The following AKAP13 variants were observed in gnomAD, a reference collection of about 807,000 sequenced individuals.
AKAP13 encodes A-kinase anchoring protein 13.
AKAP13 carries 80 observed loss-of-function variants against 264.5 expected under a neutral mutation model. The ratio of observed to expected loss-of-function variants is 0.30; its 90% CI spans 0.25 to 0.36. The LOEUF is 0.36. AKAP13 is among the 10% of genes least tolerant of loss of function. The probability of loss-of-function intolerance (pLI) is 1.00; values close to 1 mark genes in which losing one functional copy is unlikely to be tolerated. For synonymous variants in AKAP13, 1,380 were observed against 1,250.2 expected (o/e 1.10, Z -2.19); for missense variants, 3,712 against 3,435.2 (o/e 1.08, Z -2.01).
At chr15:85,386,147 T>C (rs192214283) in intron 1 of AKAP13, among the ~76,000 whole-genome samples, 2 of 152,060 alleles carry the variant, frequency 1.3e-5, no homozygotes, top group East Asian at 3.9e-4. Flanking sequence ...TAATGTCTTT[T>C]GAAGAGCAGA....
At chr15:85,582,220 A>T (rs2079155398) in intron 7 of AKAP13, 113 bp downstream of exon 7, 1 of 1,203,006 alleles carries the variant, frequency 8.3e-7, no homozygotes, top group East Asian at 2.6e-5. Flanking sequence ...CCTTGCACTC[A>T]TTGGGTAGGT....
intron 3 of AKAP13, among the ~76,000 whole-genome samples, chr15:85,524,196 A>C: frequency 9.5e-6 from 1 of 105,468 alleles, no homozygotes; most frequent in Non-Finnish European, 1.8e-5. Context: ...CCCCCACCCC[A>C]AGAAGGAGTC....
At chr15:85,400,469 A>G (rs1447348973) in intron 1 of AKAP13, among the ~76,000 whole-genome samples, 2 of 152,134 alleles carry the variant, frequency 1.3e-5, no homozygotes, top group Non-Finnish European at 2.9e-5. Flanking sequence ...TATAATCCAC[A>G]TATGTTCCTC....
intron 1 of AKAP13, among the ~76,000 whole-genome samples, chr15:85,484,051 A>G (rs1210015156): frequency 6.6e-6 from 1 of 152,036 alleles, no homozygotes; most frequent in Non-Finnish European, 1.5e-5. Flanking sequence ...GGAACACTTG[A>G]CAAGTTAGTT....
chr15:85,417,536 T>C (rs2072299363), intron 1 of AKAP13, among the ~76,000 whole-genome samples: 3 of 152,206 alleles, frequency 2.0e-5, no homozygotes, highest in African/African-American at 7.2e-5. Context: ...GGAATGGAAA[T>C]GTTGCAATGT....
chr15:85,386,853 A>G (rs967414649), intron 1 of AKAP13, among the ~76,000 whole-genome samples: 27 of 150,802 alleles, frequency 1.8e-4, no homozygotes, highest in African/African-American at 5.9e-4. Context: ...TCATTTCTCT[A>G]TCACCTCACT....
intron 3 of AKAP13, among the ~76,000 whole-genome samples, chr15:85,524,045 A>G (rs962993564): frequency 9.9e-5 from 15 of 152,204 alleles, no homozygotes; most frequent in African/African-American, 3.4e-4. Flanking sequence ...ATAAATGTGC[A>G]TGGTCTGTTT....
intron 4 of AKAP13, among the ~76,000 whole-genome samples, chr15:85,541,168 T>C (rs554996479): frequency 7.0e-4 from 106 of 152,366 alleles, no homozygotes; most frequent in African/African-American, 2.4e-3. Flanking sequence ...ATACCATATG[T>C]ATTTCATTGT....
At chr15:85,494,864 A>C (rs2075827987) in intron 2 of AKAP13, among the ~76,000 whole-genome samples, 1 of 152,158 alleles carries the variant, frequency 6.6e-6, no homozygotes. Flanking sequence ...GGGCTAAGTA[A>C]GAGAAAAAAA....
chr15:85,733,483 T>C (rs560071812), intron 30 of AKAP13, among the ~76,000 whole-genome samples: 1 of 152,356 alleles, frequency 6.6e-6, no homozygotes, highest in African/African-American at 2.4e-5. Context: ...TGTTCTGTTT[T>C]CATATGTGGT....
chr15:85,617,112 A>G (rs547040812), intron 8 of AKAP13, among the ~76,000 whole-genome samples: 2 of 152,364 alleles, frequency 1.3e-5, no homozygotes, highest in South Asian at 4.1e-4. Flanking sequence ...CTGAAGACAG[A>G]CACCTTGTTA....
At chr15:85,517,740 G>A (rs940236988) in intron 2 of AKAP13, among the ~76,000 whole-genome samples, 1 of 152,080 alleles carries the variant, frequency 6.6e-6, no homozygotes, top group Non-Finnish European at 1.5e-5. Context: ...TTATATGGGG[G>A]TGGGGGGAGC....
Position 85,514,094 on chromosome 15 carries a change from C to A in AKAP13, c.34-7334C>A, listed in dbSNP as rs527315286. On this transcript the variant is annotated intron_variant, in intron 2 of 36. Coordinates refer to ENST00000394518, the MANE Select transcript of AKAP13 (RefSeq NM_007200.5). The stretch of plus-strand genomic sequence containing the variant: ...ACTGTGTAATATGTATGCTGTTCCT[C>A]ATCAGAATCTCCCTCTGGATTGAGC... Among the ~76,000 whole-genome samples the A allele has an allele frequency of 2.2e-5, 3 of 137,790 alleles. 1 individual carries two copies. Among genetic ancestry groups the A allele is most frequent in the African/African-American group, 8.8e-5 (3 of 34,192 alleles). 90.4% of individuals were successfully genotyped at this position (137,790 alleles called of 152,430 possible). A position where few individuals can be genotyped will look rare whatever the true frequency, so the allele number is the denominator to read the frequency against.
intron 23 of AKAP13, among the ~76,000 whole-genome samples, chr15:85,720,311 C>A (rs1174849563): frequency 1.3e-5 from 2 of 151,626 alleles, no homozygotes; most frequent in East Asian, 3.9e-4. Flanking sequence ...TCAACTTTCC[C>A]CTCTGCCTCA....
chr15:85,562,535 A>G (rs1479773320), intron 5 of AKAP13, among the ~76,000 whole-genome samples: 5 of 135,352 alleles, frequency 3.7e-5, no homozygotes, highest in African/African-American at 5.6e-5. Context: ...ACTGCACTCC[A>G]TCCTGGGTGA....
At chr15:85,453,256 T>A (rs1431615592) in intron 1 of AKAP13, among the ~76,000 whole-genome samples, 2 of 152,174 alleles carry the variant, frequency 1.3e-5, no homozygotes, top group Admixed American at 1.3e-4. Flanking sequence ...AGGGAGTTGC[T>A]GAGTTGGTGC....
At chr15:85,688,088 G>T (rs913683406) in intron 16 of AKAP13, among the ~76,000 whole-genome samples, 1 of 150,936 alleles carries the variant, frequency 6.6e-6, no homozygotes, top group African/African-American at 2.4e-5. Context: ...TAGTAAAGCA[G>T]TATATTTTGT....
At chr15:85,511,656 G>C (rs1230319369) in intron 2 of AKAP13, among the ~76,000 whole-genome samples, 1 of 152,028 alleles carries the variant, frequency 6.6e-6, no homozygotes, top group Non-Finnish European at 1.5e-5. Flanking sequence ...TGAGAGACAA[G>C]GTCTTGCCCT....
intron 8 of AKAP13, among the ~76,000 whole-genome samples, chr15:85,626,189 A>G (rs752225339): frequency 6.6e-6 from 1 of 152,152 alleles, no homozygotes; most frequent in African/African-American, 2.4e-5. Context: ...CTGCCTGACT[A>G]CTTTTCTCTA....
Sources: gnomAD v4.1 joint callset for allele counts (sites outside exome capture counted in the v4.1 genomes callset) on GRCh38, gnomAD v4.1.1 for gene constraint, MANE v1.5 for transcripts, NCBI Gene and HGNC (gene_info 2026-07-23, HGNC 2026-07-21) for gene names.